Variants in LRRC4C observed in about 807,000 individuals in gnomAD.
LRRC4C encodes the protein leucine rich repeat containing 4C.
In LRRC4C, 5 loss-of-function variants were observed where a neutral mutation model predicts 33.6. That is an observed-to-expected ratio of 0.15 (90% CI 0.08 to 0.31). LRRC4C has a LOEUF of 0.31. Among genes scored for constraint, LRRC4C ranks in the 10% least tolerant of loss-of-function variants. LRRC4C has a pLI of 1.00. For missense variants in LRRC4C, 560 were observed against 796.7 expected, an observed-to-expected ratio of 0.70 and a Z score of 3.58; for synonymous variants, 329 against 302.0, an observed-to-expected ratio of 1.09 and a Z score of -0.93.
chr11:40,579,973 AG>A (rs1161700050), intron 3 of LRRC4C, among the ~76,000 whole-genome samples: 2 of 152,058 alleles, frequency 1.3e-5, no homozygotes, highest in Non-Finnish European at 2.9e-5. Context: ...AATGGGACTG[AG>A]GAGAGCTTGT....
chr11:41,034,068 C>G (rs1856885243), intron 1 of LRRC4C, among the ~76,000 whole-genome samples: 1 of 151,930 alleles, frequency 6.6e-6, no homozygotes, highest in Non-Finnish European at 1.5e-5. Context: ...TTTTTGTTGA[C>G]ACATTGCTAT....
At chr11:41,231,743 A>G (rs1947807534) in intron 1 of LRRC4C, among the ~76,000 whole-genome samples, 1 of 151,954 alleles carries the variant, frequency 6.6e-6, no homozygotes, top group Non-Finnish European at 1.5e-5. Flanking sequence ...GTGCACATGT[A>G]CCCTAGAACT....
intron 1 of LRRC4C, among the ~76,000 whole-genome samples, chr11:41,137,546 G>T (rs1001387603): frequency 2.0e-5 from 3 of 152,112 alleles, no homozygotes; most frequent in African/African-American, 7.2e-5. Context: ...TTGGGCCATG[G>T]AGTAGCTGAA....
intron 1 of LRRC4C, among the ~76,000 whole-genome samples, chr11:41,400,961 T>A (rs1565643527): frequency 6.6e-6 from 1 of 151,500 alleles, no homozygotes; most frequent in Non-Finnish European, 1.5e-5. Context: ...ACTTTTTTTT[T>A]ATGCTGACAC....
At chr11:41,123,599 C>T (rs1399291289) in intron 1 of LRRC4C, among the ~76,000 whole-genome samples, 1 of 151,872 alleles carries the variant, frequency 6.6e-6, no homozygotes, top group Non-Finnish European at 1.5e-5. Context: ...ATAAATTCTA[C>T]CACTGGTTCT....
At chr11:40,291,248 C>A (rs1223449649) in intron 4 of LRRC4C, among the ~76,000 whole-genome samples, 2 of 152,106 alleles carry the variant, frequency 1.3e-5, no homozygotes, top group Non-Finnish European at 2.9e-5. Flanking sequence ...ATCCTACAGG[C>A]GCTCAGACTT....
intron 3 of LRRC4C, among the ~76,000 whole-genome samples, chr11:40,599,975 C>T (rs1225780970): frequency 6.6e-6 from 1 of 152,170 alleles, no homozygotes; most frequent in Non-Finnish European, 1.5e-5. Context: ...CCTAGAATTT[C>T]CTATAGGCAT....
chr11:40,625,847 T>C (rs1962878088), intron 3 of LRRC4C, among the ~76,000 whole-genome samples: 1 of 152,118 alleles, frequency 6.6e-6, no homozygotes, highest in Non-Finnish European at 1.5e-5. Flanking sequence ...AAACACCTCT[T>C]CTTTTTTATG....
At chr11:40,279,978 G>A (rs1057198538) in intron 4 of LRRC4C, among the ~76,000 whole-genome samples, 4 of 151,962 alleles carry the variant, frequency 2.6e-5, no homozygotes, top group Non-Finnish European at 4.4e-5. Flanking sequence ...TGATTTACTC[G>A]GCCCTGAACT....
intron 2 of LRRC4C, among the ~76,000 whole-genome samples, chr11:40,862,391 A>ATTTGT (rs1177212784): frequency 1.3e-5 from 2 of 152,218 alleles, no homozygotes; most frequent in Non-Finnish European, 2.9e-5. Flanking sequence ...GGCATGTGCT[A>ATTTGT]TTTGTAGGAG....
intron 2 of LRRC4C, among the ~76,000 whole-genome samples, chr11:40,703,858 C>T (rs539300979): frequency 6.6e-6 from 1 of 152,188 alleles, no homozygotes; most frequent in South Asian, 2.1e-4. Flanking sequence ...TTTGCTATAT[C>T]AATGTTAACA....
At chr11:40,205,230 T>C (rs1590704320) in intron 5 of LRRC4C, among the ~76,000 whole-genome samples, 2 of 152,276 alleles carry the variant, frequency 1.3e-5, no homozygotes, top group Non-Finnish European at 1.5e-5. Flanking sequence ...GGGGTTTTGT[T>C]TTACCTGAGA....
intron 1 of LRRC4C, among the ~76,000 whole-genome samples, chr11:41,323,295 A>T (rs539277725): frequency 2.1e-4 from 32 of 152,248 alleles, no homozygotes; most frequent in African/African-American, 7.2e-4. Context: ...AAATCTACAA[A>T]CTCAGATGCC....
At chr11:40,504,350 G>A (rs1954928313) in intron 3 of LRRC4C, among the ~76,000 whole-genome samples, 1 of 152,044 alleles carries the variant, frequency 6.6e-6, no homozygotes, top group Admixed American at 6.6e-5. Flanking sequence ...GTATACTATG[G>A]GGAGTAAGAG....
In LRRC4C at chr11:41,351,942, A is replaced by T. The variant is rs1951999083; in HGVS notation, c.-496+107489T>A. 2.0e-5 allele frequency among the ~76,000 whole-genome samples: 3 copies of T among 152,200 alleles called. No individual in the cohort carries two copies. In the South Asian group the frequency reaches 6.2e-4, roughly 32 times the overall value. ...ATAAATACACTTCGGTACATAGATG[A>T]CTGACACTAAAAAGCAACTGTACAA... On this transcript the variant is annotated intron_variant, in intron 1 of 6. Transcript: ENST00000528697.
chr11:41,065,643 C>T (rs922513799), intron 1 of LRRC4C, among the ~76,000 whole-genome samples: 15 of 152,168 alleles, frequency 9.9e-5, no homozygotes, highest in African/African-American at 2.2e-4. Flanking sequence ...CAGGGGTCTA[C>T]GGACAGCTCA....
rs141262680 is a variant in LRRC4C, at chr11:40,300,761, C to T, written c.-176+18867G>A. Among the ~76,000 whole-genome samples the T allele has an allele frequency of 6.5e-3, 991 of 152,282 alleles. 12 individuals are homozygous for T. The highest frequency in any genetic ancestry group is 0.023 in the African/African-American group (953 of 41,548). ...ATTCTTCAGGATTCAATGTAATACCCAGCACTTGGCAAATTCAAGGTTTGC... is the reference window on the plus strand; with the variant it reads ...ATTCTTCAGGATTCAATGTAATACCTAGCACTTGGCAAATTCAAGGTTTGC... On this transcript the variant is annotated intron_variant, in intron 4 of 6. Transcript: ENST00000528697.
chr11:40,454,860 C>T (rs1385447696), intron 3 of LRRC4C, among the ~76,000 whole-genome samples: 2 of 151,678 alleles, frequency 1.3e-5, no homozygotes, highest in African/African-American at 4.8e-5. Context: ...TTTTTAAATC[C>T]AGTATTTATT....
intron 1 of LRRC4C, among the ~76,000 whole-genome samples, chr11:41,304,561 T>C (rs866239882): frequency 8.4e-4 from 34 of 40,480 alleles, no homozygotes; most frequent in East Asian, 1.9e-3. Context: ...CCGCCCCGTC[T>C]GGGAGGGAGG....
Sources: allele counts gnomAD v4.1 joint callset (sites outside exome capture counted in the v4.1 genomes callset), GRCh38; gene constraint gnomAD v4.1.1; transcripts MANE v1.5; gene names NCBI Gene and HGNC (gene_info 2026-07-23, HGNC 2026-07-21).